Variants in ARID5B observed in about 807,000 individuals in gnomAD.
The protein encoded by ARID5B is AT-rich interaction domain 5B, also known as AT-rich interactive domain-containing protein 5B.
A neutral mutation model predicts 97.2 loss-of-function variants in ARID5B; 13 were observed. The ratio of observed to expected loss-of-function variants is 0.13; its 90% CI spans 0.09 to 0.21. ARID5B has a LOEUF of 0.21. Ranked by LOEUF, ARID5B falls within the 10% of genes least tolerant of loss-of-function variation. ARID5B has a pLI of 1.00. For synonymous variants in ARID5B, 556 were observed against 570.3 expected, an observed-to-expected ratio of 0.97 and a Z score of 0.36; for missense variants, 1,210 against 1,465.3, an observed-to-expected ratio of 0.83 and a Z score of 2.84.
At chr10:62,003,013 A>T (rs1391432963) in intron 4 of ARID5B, among the ~76,000 whole-genome samples, 1 of 152,252 alleles carries the variant, frequency 6.6e-6, no homozygotes, top group African/African-American at 2.4e-5. Context: ...CCTTTGACAC[A>T]TGAAATTCAT....
chr10:62,081,253 T>G (rs2132970779), intron 8 of ARID5B, among the ~76,000 whole-genome samples: 1 of 152,348 alleles, frequency 6.6e-6, no homozygotes, highest in Non-Finnish European at 1.5e-5. Flanking sequence ...TGGGGTGACT[T>G]TGGGATTCAA....
intron 2 of ARID5B, among the ~76,000 whole-genome samples, chr10:61,937,100 A>G (rs1179430316): frequency 1.3e-5 from 2 of 152,224 alleles, no homozygotes; most frequent in Admixed American, 6.5e-5. Context: ...AACTAAATCA[A>G]TGTTACAAGT....
chr10:61,902,077 C>T (rs543549664), intron 1 of ARID5B, 82 bp from the exon 2 acceptor site: 1 of 1,519,540 alleles, frequency 6.6e-7, no homozygotes, highest in African/African-American at 1.4e-5. Context: ...GAGTGGATGT[C>T]TGTGTGTAAA....
chr10:62,022,995 C>T (rs1839375617), intron 4 of ARID5B, among the ~76,000 whole-genome samples: 1 of 152,194 alleles, frequency 6.6e-6, no homozygotes, highest in African/African-American at 2.4e-5. Flanking sequence ...ATGCTGGAAA[C>T]AAGTCAAAGA....
chr10:61,965,162 A>C (rs1838526474), intron 3 of ARID5B, among the ~76,000 whole-genome samples: 1 of 152,218 alleles, frequency 6.6e-6, no homozygotes, highest in African/African-American at 2.4e-5. Context: ...GCTAATGATT[A>C]GCTGTTACAG....
Position 62,057,321 on chromosome 10 carries a change from G to A in ARID5B, c.1048+3G>A, listed in dbSNP as rs757246817. ...ACCCTATTTAGGTTTTAAACAGAGT[G>A]AGTATACTTGTTTTCGTTTCTGAAT... On this transcript the variant is annotated splice_donor_region_variant and intron_variant, in intron 6 of 9. Transcript: ENST00000279873. 2.7e-5 allele frequency: 44 copies of A among 1,608,786 alleles called. 1 individual carries two copies. The highest frequency in any genetic ancestry group is 3.6e-5 in the Non-Finnish European group (42 of 1,177,918).
At chr10:62,064,205 T>C (rs1839957794) in intron 7 of ARID5B, among the ~76,000 whole-genome samples, 1 of 152,248 alleles carries the variant, frequency 6.6e-6, no homozygotes, top group South Asian at 2.1e-4. Context: ...ACCCTAGTTT[T>C]CTGAACAGGC....
intron 2 of ARID5B, among the ~76,000 whole-genome samples, chr10:61,924,023 T>C (rs1295411231): frequency 6.6e-6 from 1 of 152,248 alleles, no homozygotes; most frequent in Non-Finnish European, 1.5e-5. Flanking sequence ...CCTCCTGTGA[T>C]TGTTTTGTCA....
chr10:61,922,470 G>A (rs1844033651), intron 2 of ARID5B, among the ~76,000 whole-genome samples: 1 of 151,750 alleles, frequency 6.6e-6, no homozygotes, highest in African/African-American at 2.4e-5. Flanking sequence ...GGGCGTGGTG[G>A]CACATGCTTG....
At chr10:61,984,575 C>A (rs1322465553) in intron 3 of ARID5B, among the ~76,000 whole-genome samples, 2 of 152,182 alleles carry the variant, frequency 1.3e-5, no homozygotes, top group African/African-American at 4.8e-5. Context: ...GGGCCTCAGT[C>A]AGCTGAGTGA....
At chr10:62,023,920 C>G (rs1839387019) in intron 4 of ARID5B, among the ~76,000 whole-genome samples, 1 of 152,174 alleles carries the variant, frequency 6.6e-6, no homozygotes. Context: ...AAGTGGTGTT[C>G]CCTTTGAGTC....
intron 3 of ARID5B, among the ~76,000 whole-genome samples, chr10:61,960,749 T>A (rs979540728): frequency 1.3e-5 from 2 of 152,132 alleles, no homozygotes; most frequent in African/African-American, 4.8e-5. Context: ...TCCAGGACAT[T>A]GTTAGGTATA....
chr10:62,076,428 A>T (rs1272236405), intron 8 of ARID5B, among the ~76,000 whole-genome samples: 1 of 151,916 alleles, frequency 6.6e-6, no homozygotes, highest in Non-Finnish European at 1.5e-5. Flanking sequence ...TGTAATCCTG[A>T]CTACTCAGAT....
intron 2 of ARID5B, among the ~76,000 whole-genome samples, chr10:61,932,776 G>A (rs2132785718): frequency 6.6e-6 from 1 of 152,240 alleles, no homozygotes; most frequent in East Asian, 1.9e-4. Flanking sequence ...CCCTGCCACT[G>A]CCTTTATCAA....
intron 5 of ARID5B, among the ~76,000 whole-genome samples, chr10:62,051,808 TTA>T (rs1195272178): frequency 1.3e-5 from 2 of 152,208 alleles, no homozygotes; most frequent in African/African-American, 4.8e-5. Flanking sequence ...AATCGTCCCT[TTA>T]GGATTTTAGT....
intron 2 of ARID5B, among the ~76,000 whole-genome samples, chr10:61,935,894 G>A (rs1417383486): frequency 6.6e-6 from 1 of 152,166 alleles, no homozygotes; most frequent in Non-Finnish European, 1.5e-5. Context: ...AGAGAGCGGA[G>A]TTCTCATATC....
In ARID5B at chr10:62,091,446, C is replaced by A. The variant is rs763096135; in HGVS notation, c.1983C>A (p.Asp661Glu). 1.2e-6 allele frequency: 2 copies of A among 1,611,530 alleles called. No individual in the cohort carries two copies. Among genetic ancestry groups the A allele is most frequent in the Non-Finnish European group, 1.7e-6 (2 of 1,178,528 alleles). ...CGTTTGACATGTTCAAAGACAAAGA[C>A]CTGACTGGGCCCATGAACGAGAACC... Reference protein sequence around the residue: ...VQSFDMFKDKDLTGPMNENHG... With the variant: ...VQSFDMFKDKELTGPMNENHG... Residue 661 changes from aspartate (D) to glutamate (E), a missense_variant, in exon 10 of 10, where the codon GAC (aspartate) becomes GAA (glutamate). By Grantham distance (45) the Asp-to-Glu change is conservative. Around this residue, in one of 8 missense-constraint regions of ARID5B, gnomAD observed 800 missense variants for 839.1 expected, o/e 0.95. Coordinates refer to ENST00000279873, the MANE Select transcript of ARID5B (RefSeq NM_032199.3).
intron 4 of ARID5B, among the ~76,000 whole-genome samples, chr10:62,022,513 G>C (rs1367018089): frequency 2.0e-5 from 3 of 152,186 alleles, no homozygotes; most frequent in African/African-American, 7.2e-5. Flanking sequence ...CGGTGAGGTA[G>C]AGAGCTTGTT....
At chr10:61,926,968 C>T (rs1430132420) in intron 2 of ARID5B, among the ~76,000 whole-genome samples, 1 of 151,982 alleles carries the variant, frequency 6.6e-6, no homozygotes, top group African/African-American at 2.4e-5. Flanking sequence ...GCGGTTTTTG[C>T]CATTGAAAGT....
Sources: gnomAD v4.1 joint callset for allele counts (sites outside exome capture counted in the v4.1 genomes callset) on GRCh38, gnomAD v4.1.1 for gene constraint, gnomAD v4.1.1 regional missense constraint, MANE v1.5 for transcripts, NCBI Gene and HGNC (gene_info 2026-07-23, HGNC 2026-07-21) for gene names.